SHISA9: variants seen among roughly 807,000 people sequenced by gnomAD.
SHISA9 encodes the protein shisa family member 9, also known as protein shisa-9.
Under a neutral mutation model 38.0 loss-of-function variants are expected in SHISA9, and 13 were observed. The observed-to-expected ratio is 0.34, with a 90% CI of 0.22 to 0.54. The LOEUF (loss-of-function observed/expected upper bound fraction) is 0.54, where lower values mean the gene tolerates loss of function less well. Ranked by LOEUF, SHISA9 falls within the 20% of genes least tolerant of loss-of-function variation. The probability of loss-of-function intolerance (pLI) is 0.91; values close to 1 mark genes in which losing one functional copy is unlikely to be tolerated. For synonymous variants in SHISA9, 275 were observed against 242.0 expected, an observed-to-expected ratio of 1.14 and a Z score of -1.27; for missense variants, 538 against 575.8, an observed-to-expected ratio of 0.93 and a Z score of 0.67.
intron 2 of SHISA9, among the ~76,000 whole-genome samples, chr16:13,178,413 T>C (rs1457478032): frequency 3.3e-5 from 5 of 152,000 alleles, no homozygotes; most frequent in Admixed American, 3.3e-4. Context: ...CTCCTGACGA[T>C]GCTTCTGCCT....
chr16:13,128,575 A>G (rs2050280638), intron 2 of SHISA9, among the ~76,000 whole-genome samples: 1 of 151,782 alleles, frequency 6.6e-6, no homozygotes, highest in African/African-American at 2.4e-5. Context: ...GGCATATAAC[A>G]CTCTTACCAC....
At position 13,236,501 on chromosome 16, in the gene SHISA9, C is replaced by G. The variant is rs540134964; in HGVS notation, c.*1092C>G. On this transcript the variant is annotated 3_prime_UTR_variant, in exon 5 of 5. Transcript: ENST00000558583. ...CATCCCTTTCCCTTCAGCGCGTTGC[C>G]GCCGCCGCTGCCAAACTTCAACTGC... The G allele has an allele frequency of 6.6e-6, 1 of 152,218 alleles. No homozygotes were observed. Among genetic ancestry groups the G allele is most frequent in the Non-Finnish European group, 1.5e-5 (1 of 68,068 alleles). 9.4% of individuals were successfully genotyped at this position (152,218 alleles called of 1,614,324 possible).
intron 2 of SHISA9, among the ~76,000 whole-genome samples, chr16:12,946,271 G>A (rs1017872108): frequency 1.3e-4 from 20 of 152,182 alleles, no homozygotes; most frequent in African/African-American, 4.3e-4. Context: ...CAGTCAGGTA[G>A]TGTGATGCCT....
chr16:13,074,764 G>A (rs763284948), intron 2 of SHISA9, among the ~76,000 whole-genome samples: 1 of 149,944 alleles, frequency 6.7e-6, no homozygotes, highest in African/African-American at 2.5e-5. Flanking sequence ...TCCCAGGTTC[G>A]ATAGATTCTC....
chr16:13,518,990 C>A, the SHISA9 span, among the ~76,000 whole-genome samples: 1 of 152,104 alleles, frequency 6.6e-6, no homozygotes, highest in Non-Finnish European at 1.5e-5. Flanking sequence ...ATGGGCTGAT[C>A]GCCTCTCATT....
intron 2 of SHISA9, among the ~76,000 whole-genome samples, chr16:13,035,293 A>G (rs1383940840): frequency 1.3e-5 from 2 of 152,204 alleles, no homozygotes; most frequent in South Asian, 2.1e-4. Context: ...AACTGTGAGA[A>G]TGATGGAGAT....
intron 2 of SHISA9, among the ~76,000 whole-genome samples, chr16:13,141,192 C>T (rs901989250): frequency 2.6e-5 from 4 of 152,058 alleles, no homozygotes; most frequent in Non-Finnish European, 5.9e-5. Context: ...CTTATTCTTG[C>T]TTATTTCCTT....
intron 2 of SHISA9, among the ~76,000 whole-genome samples, chr16:13,126,706 GGAGAGAGAGACTGAGAGAAGGAAA>G (rs1165029825): frequency 4.1e-5 from 6 of 147,810 alleles, no homozygotes; most frequent in African/African-American, 1.5e-4. Context: ...AAAGTGGGAG[GGAGAGAGAGACTGAGAGAAGGAAA>G]GAGAGAGTGA....
At chr16:13,004,951 A>AAAGAAAAG (rs2072578171) in intron 2 of SHISA9, among the ~76,000 whole-genome samples, 1 of 82,180 alleles carries the variant, frequency 1.2e-5, no homozygotes, top group Non-Finnish European at 2.4e-5. Context: ...AAGAAAAAAA[A>AAAGAAAAG]AAAAAAAGAA....
Position 13,071,080 on chromosome 16 carries a change from C to A in SHISA9, c.692-132314C>A, listed in dbSNP as rs539650706. On this transcript the variant is annotated intron_variant, in intron 2 of 4. Coordinates refer to ENST00000558583, the MANE Select transcript of SHISA9 (RefSeq NM_001145204.3). ...CTGCTTGCTTATCATTCAAGAATGA[C>A]AAGACATTCTAGAAATGGATGGTGT... Among the ~76,000 whole-genome samples, 122 of 152,222 alleles carry A rather than the reference C, an allele frequency of 8.0e-4. 1 individual carries two copies. Among genetic ancestry groups the A allele is most frequent in the Non-Finnish European group, 1.5e-3 (103 of 68,020 alleles).
At chr16:13,562,170 TTGTC>T in the SHISA9 span, among the ~76,000 whole-genome samples, 4 of 152,234 alleles carry the variant, frequency 2.6e-5, 1 homozygote. Context: ...GCAGGGGAAA[TTGTC>T]TGATTAACCT....
At chr16:13,020,151 T>C (rs1437349489) in intron 2 of SHISA9, among the ~76,000 whole-genome samples, 5 of 150,552 alleles carry the variant, frequency 3.3e-5, no homozygotes, top group Admixed American at 6.7e-5. Flanking sequence ...CTCAGCCTCA[T>C]GTGTAGTTGG....
chr16:13,264,170 CTT>C, the SHISA9 span, among the ~76,000 whole-genome samples: 44 of 124,298 alleles, frequency 3.5e-4, no homozygotes, highest in Non-Finnish European at 4.0e-4. Context: ...TGTTTTAAAT[CTT>C]TTTTTTTTTT....
chr16:13,097,057 G>T (rs2073835055), intron 2 of SHISA9, among the ~76,000 whole-genome samples: 1 of 152,170 alleles, frequency 6.6e-6, no homozygotes, highest in Admixed American at 6.5e-5. Context: ...CATGAAGACA[G>T]GGACTGTGTC....
intron 4 of SHISA9, 61 bp from the exon 5 acceptor site, chr16:13,234,969 T>C: frequency 6.8e-7 from 1 of 1,476,188 alleles, no homozygotes; most frequent in Middle Eastern, 2.4e-4. Context: ...TCTCTCTCTC[T>C]CTCTCTCTCT....
At chr16:12,908,558 G>C in intron 1 of SHISA9, 1 of 1,551,776 alleles carries the variant, frequency 6.4e-7, no homozygotes, top group Non-Finnish European at 8.7e-7. Context: ...GTGGAGTGTC[G>C]GACTTCAAAC....
At chr16:13,050,767 T>C (rs546453682) in intron 2 of SHISA9, among the ~76,000 whole-genome samples, 2 of 152,346 alleles carry the variant, frequency 1.3e-5, no homozygotes, top group East Asian at 3.9e-4. Flanking sequence ...AATAAGCTAG[T>C]AACAGATTGG....
the SHISA9 span, among the ~76,000 whole-genome samples, chr16:13,413,412 A>T: frequency 6.6e-6 from 1 of 152,162 alleles, no homozygotes; most frequent in Non-Finnish European, 1.5e-5. Flanking sequence ...ATGAAGACCC[A>T]TGGGTTGTAC....
chr16:13,395,103 A>G, the SHISA9 span, among the ~76,000 whole-genome samples: 1 of 152,144 alleles, frequency 6.6e-6, no homozygotes, highest in Non-Finnish European at 1.5e-5. Flanking sequence ...TTCCTCCAGA[A>G]TGAGTGTGGA....
Sources: gnomAD v4.1 joint callset for allele counts (sites outside exome capture counted in the v4.1 genomes callset) on GRCh38, gnomAD v4.1.1 for gene constraint, MANE v1.5 for transcripts, NCBI Gene and HGNC (gene_info 2026-07-23, HGNC 2026-07-21) for gene names.